Variants in SLC20A2 observed in about 807,000 individuals in gnomAD.
The protein encoded by SLC20A2 is sodium-dependent phosphate transporter 2.
SLC20A2 carries 30 observed loss-of-function variants against 61.0 expected under a neutral mutation model. That is an observed-to-expected ratio of 0.49 (90% CI 0.37 to 0.67). SLC20A2 has a LOEUF of 0.67. Ranked by LOEUF, SLC20A2 falls within the 30% of genes least tolerant of loss-of-function variation. SLC20A2 has a pLI of 0.00. For synonymous variants in SLC20A2, 351 were observed against 353.3 expected (o/e 0.99, Z 0.07); for missense variants, 626 against 866.4 (o/e 0.72, Z 3.48).
rs371924916 is a variant in SLC20A2 at position 42,465,922 on chromosome 8, A to G, written c.290-5T>C. The G allele has an allele frequency of 1.2e-4, 186 of 1,607,324 alleles. No individual in the cohort carries two copies. In the African/African-American group the frequency reaches 2.3e-3, roughly 19 times the overall value. On this transcript the variant is annotated splice_region_variant and splice_polypyrimidine_tract_variant and intron_variant, in intron 2 of 10. Transcript: ENST00000520262. The stretch of plus-strand genomic sequence containing the variant: ...TCAGCTGCCACACAGCGGAACCTAC[A>G]GATTGAAGGACAAAAAACCATCAGA...
chr8:42,516,020 G>C (rs1811301897), intron 1 of SLC20A2, among the ~76,000 whole-genome samples: 2 of 152,206 alleles, frequency 1.3e-5, no homozygotes, highest in South Asian at 4.1e-4. Context: ...GTCTAGTGGA[G>C]ACTGTGCTTC....
intron 1 of SLC20A2, among the ~76,000 whole-genome samples, chr8:42,513,883 C>G (rs1811170462): frequency 6.6e-6 from 1 of 152,080 alleles, no homozygotes; most frequent in African/African-American, 2.4e-5. Flanking sequence ...CTAGGAAGAG[C>G]AATCAGTACA....
intron 10 of SLC20A2, among the ~76,000 whole-genome samples, chr8:42,418,915 G>A (rs779026919): frequency 2.0e-5 from 3 of 149,144 alleles, no homozygotes; most frequent in Non-Finnish European, 4.5e-5. Context: ...GGAGAATGGC[G>A]TGAACCTGGG....
chr8:42,480,158 T>G, intron 1 of SLC20A2, among the ~76,000 whole-genome samples: 1 of 152,220 alleles, frequency 6.6e-6, no homozygotes, highest in East Asian at 1.9e-4. Flanking sequence ...TTCATGACAC[T>G]GGAACACAGT....
chr8:42,495,115 A>G (rs1044036958), intron 1 of SLC20A2, among the ~76,000 whole-genome samples: 1 of 151,968 alleles, frequency 6.6e-6, no homozygotes, highest in African/African-American at 2.4e-5. Flanking sequence ...CTGGCCTCCC[A>G]AAGTGCTGGG....
At chr8:42,429,976 T>G in intron 9 of SLC20A2, 88 bp downstream of exon 9, 1 of 1,199,830 alleles carries the variant, frequency 8.3e-7, no homozygotes, top group South Asian at 1.7e-5. Flanking sequence ...CTGCCAGTGC[T>G]GAGCAGGCCG....
At chr8:42,493,081 C>T (rs1215497442) in intron 1 of SLC20A2, among the ~76,000 whole-genome samples, 1 of 152,158 alleles carries the variant, frequency 6.6e-6, no homozygotes, top group Non-Finnish European at 1.5e-5. Flanking sequence ...GTGACAAATG[C>T]CATTTTGCTC....
rs148887343 is a variant in SLC20A2 at position 42,417,570 on chromosome 8, C to T, written c.*233G>A. ...GTAACTGCACCACATTATATCACCA[C>T]GATACCAGTTTAATACATATTATTA... On this transcript the variant is annotated 3_prime_UTR_variant, in exon 11 of 11. Transcript: ENST00000520262. 7.6e-4 allele frequency: 278 copies of T among 365,090 alleles called. No homozygotes were observed. The highest frequency in any genetic ancestry group is 5.0e-3 in the African/African-American group (251 of 49,724). The allele number at this position is 365,090 out of a possible 1,614,324, so 22.6% of individuals were successfully genotyped here. A position where few individuals can be genotyped will look rare whatever the true frequency, so the allele number is the denominator to read the frequency against.
intron 5 of SLC20A2, among the ~76,000 whole-genome samples, chr8:42,445,092 G>A (rs1302601989): frequency 6.6e-6 from 1 of 152,038 alleles, no homozygotes; most frequent in Non-Finnish European, 1.5e-5. Context: ...AGGAGTTCGA[G>A]ATCAGCCTGG....
intron 6 of SLC20A2, among the ~76,000 whole-genome samples, chr8:42,441,154 T>C (rs1804749508): frequency 6.6e-6 from 1 of 151,506 alleles, no homozygotes; most frequent in African/African-American, 2.4e-5. Context: ...TTTTTTTTTT[T>C]TTTTTTTGAG....
intron 10 of SLC20A2, among the ~76,000 whole-genome samples, chr8:42,428,316 A>ATGT (rs1803565697): frequency 1.3e-5 from 2 of 152,260 alleles, no homozygotes; most frequent in Non-Finnish European, 2.9e-5. Context: ...TCATATAAGG[A>ATGT]ACAAAACCAG....
chr8:42,452,686 GA>G (rs1805837436), intron 5 of SLC20A2, among the ~76,000 whole-genome samples: 1 of 150,716 alleles, frequency 6.6e-6, no homozygotes, highest in Non-Finnish European at 1.5e-5. Flanking sequence ...GCAGAAGGAG[GA>G]AAAGATGGAG....
chr8:42,458,940 A>ACAC (rs1806443682), intron 5 of SLC20A2, among the ~76,000 whole-genome samples: 1 of 104,094 alleles, frequency 9.6e-6, no homozygotes, highest in African/African-American at 4.3e-5. Flanking sequence ...ATAATTTTTA[A>ACAC]CCCCCCCCCC....
intron 5 of SLC20A2, among the ~76,000 whole-genome samples, chr8:42,451,606 G>A (rs1805660875): frequency 7.3e-6 from 1 of 137,176 alleles, no homozygotes; most frequent in Non-Finnish European, 1.6e-5. Flanking sequence ...AGGAGGAGGA[G>A]GAAGAGATGA....
chr8:42,455,800 G>T (rs1045966027), intron 5 of SLC20A2, among the ~76,000 whole-genome samples: 1 of 152,140 alleles, frequency 6.6e-6, no homozygotes. Context: ...TGGAGGCATG[G>T]TTCAAATTCT....
At chr8:42,496,051 G>C (rs897145416) in intron 1 of SLC20A2, among the ~76,000 whole-genome samples, 10 of 152,180 alleles carry the variant, frequency 6.6e-5, no homozygotes. Context: ...CACCCGGCCA[G>C]ATCCCATTTT....
upstream of SLC20A2, among the ~76,000 whole-genome samples, chr8:42,504,852 CAAAAAAAAAAAAAAAAAAAA>C (rs771127709): frequency 3.0e-4 from 5 of 16,494 alleles, no homozygotes; most frequent in Non-Finnish European, 4.2e-4. Context: ...GACTCCGTCT[CAAAAAAAAAAAAAAAAAAAA>C]AAAAAAAAAA....
intron 1 of SLC20A2, among the ~76,000 whole-genome samples, chr8:42,538,746 A>T (rs569059859): frequency 8.5e-5 from 13 of 152,254 alleles, no homozygotes; most frequent in Non-Finnish European, 1.9e-4. Context: ...GTCATAGGAA[A>T]CACATCATTT....
At chr8:42,518,090 G>A (rs866608121) in intron 1 of SLC20A2, among the ~76,000 whole-genome samples, 6 of 152,266 alleles carry the variant, frequency 3.9e-5, no homozygotes, top group Admixed American at 6.5e-5. Flanking sequence ...ACAGGTGCGT[G>A]CCACCACGCC....
Sources: allele counts gnomAD v4.1 joint callset (sites outside exome capture counted in the v4.1 genomes callset), GRCh38; gene constraint gnomAD v4.1.1; transcripts MANE v1.5; gene names NCBI Gene and HGNC (gene_info 2026-07-23, HGNC 2026-07-21).